HSD17B12: variants seen among roughly 807,000 people sequenced by gnomAD.
The protein encoded by HSD17B12 is hydroxysteroid 17-beta dehydrogenase 12.
In HSD17B12, 32 loss-of-function variants were observed where a neutral mutation model predicts 39.3. That is an observed-to-expected ratio of 0.81 (90% CI 0.61 to 1.09). The LOEUF is 1.09. Among genes scored for constraint, HSD17B12 ranks in the 50% least tolerant of loss-of-function variants. The probability of loss-of-function intolerance (pLI) is 0.00; values close to 1 mark genes in which losing one functional copy is unlikely to be tolerated. For missense variants in HSD17B12, 342 were observed against 382.9 expected (o/e 0.89, Z 0.89); for synonymous variants, 150 against 146.7 (o/e 1.02, Z -0.16).
chr11:43,719,796 A>G (rs948031821), intron 1 of HSD17B12, among the ~76,000 whole-genome samples: 2 of 151,988 alleles, frequency 1.3e-5, no homozygotes, highest in African/African-American at 4.8e-5. Context: ...GTAGCTTTTC[A>G]ACCTGCTTCT....
At chr11:43,584,841 G>T in the HSD17B12 span, among the ~76,000 whole-genome samples, 1 of 152,190 alleles carries the variant, frequency 6.6e-6, no homozygotes, top group Non-Finnish European at 1.5e-5. Context: ...CATCACAGAG[G>T]TTACAAGGAA....
the HSD17B12 span, chr11:43,581,352 C>G: frequency 2.1e-6 from 1 of 479,606 alleles, no homozygotes; most frequent in African/African-American, 2.0e-5. The surrounding 1 kb of genome is among the most constrained non-coding windows in gnomAD (Gnocchi z 4.9). Context: ...CGGAGACATC[C>G]TGGGCTGAAG....
At chr11:43,803,835 A>G (rs1290253460) in intron 4 of HSD17B12, among the ~76,000 whole-genome samples, 1 of 152,244 alleles carries the variant, frequency 6.6e-6, no homozygotes, top group Non-Finnish European at 1.5e-5. Flanking sequence ...CAAGAAATAC[A>G]GATTTCAGAA....
the HSD17B12 span, among the ~76,000 whole-genome samples, chr11:43,561,070 G>A: frequency 6.6e-6 from 1 of 152,178 alleles, no homozygotes; most frequent in African/African-American, 2.4e-5. Flanking sequence ...CTTCACTGAA[G>A]CCGTGGCTTA....
intron 1 of HSD17B12, among the ~76,000 whole-genome samples, chr11:43,725,882 G>A (rs117613346): frequency 6.6e-6 from 1 of 152,198 alleles, no homozygotes; most frequent in East Asian, 1.9e-4. Flanking sequence ...AAATGGAGGA[G>A]CCATTTTGAG....
chr11:43,583,962 C>G, the HSD17B12 span, among the ~76,000 whole-genome samples: 18 of 152,232 alleles, frequency 1.2e-4, no homozygotes, highest in Non-Finnish European at 4.4e-5. Context: ...AAATCAAGAC[C>G]AGGGGTTATC....
chr11:43,769,435 G>A (rs1321516201), intron 3 of HSD17B12, among the ~76,000 whole-genome samples: 2 of 152,300 alleles, frequency 1.3e-5, no homozygotes, highest in East Asian at 3.9e-4. Flanking sequence ...GAGCAATTAT[G>A]AGGACACTGA....
At chr11:43,784,332 T>A (rs1323271078) in intron 3 of HSD17B12, among the ~76,000 whole-genome samples, 2 of 148,278 alleles carry the variant, frequency 1.3e-5, no homozygotes, top group East Asian at 3.9e-4. Flanking sequence ...TTATTATTAT[T>A]ATTATTATTA....
At chr11:43,645,732 A>C in the HSD17B12 span, 1 of 152,386 alleles carries the variant, frequency 6.6e-6, no homozygotes. Context: ...TAATCCCAAC[A>C]CTTAGGGAGG....
the HSD17B12 span, among the ~76,000 whole-genome samples, chr11:43,597,614 T>G: frequency 6.6e-6 from 1 of 152,128 alleles, no homozygotes; most frequent in African/African-American, 2.4e-5. Context: ...AAGAAAGACC[T>G]CCTGCTTTTT....
chr11:43,601,938 G>A, the HSD17B12 span, among the ~76,000 whole-genome samples: 1 of 152,196 alleles, frequency 6.6e-6, no homozygotes, highest in South Asian at 2.1e-4. Context: ...CCATTCTGCT[G>A]CCCAGCCCCA....
At chr11:43,637,451 C>T in the HSD17B12 span, among the ~76,000 whole-genome samples, 1 of 152,050 alleles carries the variant, frequency 6.6e-6, no homozygotes, top group African/African-American at 2.4e-5. Flanking sequence ...GAACTCCTGA[C>T]CTCAGGTGAT....
intron 1 of HSD17B12, among the ~76,000 whole-genome samples, chr11:43,691,783 G>A (rs1202337675): frequency 1.3e-5 from 2 of 152,174 alleles, no homozygotes; most frequent in African/African-American, 2.4e-5. Flanking sequence ...CCTGGATGAC[G>A]TCCTGTGTCC....
intron 4 of HSD17B12, among the ~76,000 whole-genome samples, chr11:43,809,464 G>C (rs764484701): frequency 2.0e-5 from 3 of 152,160 alleles, no homozygotes; most frequent in Non-Finnish European, 4.4e-5. Flanking sequence ...TGTTACTAAA[G>C]TATACATTTT....
chr11:43,657,943 G>T, the HSD17B12 span, among the ~76,000 whole-genome samples: 2 of 152,094 alleles, frequency 1.3e-5, no homozygotes, highest in African/African-American at 2.4e-5. Flanking sequence ...ATGTTGGCCT[G>T]CCTTGCCAGA....
At chr11:43,630,061 G>A in the HSD17B12 span, among the ~76,000 whole-genome samples, 1 of 152,124 alleles carries the variant, frequency 6.6e-6, no homozygotes, top group Non-Finnish European at 1.5e-5. Context: ...GTGACTCTTG[G>A]TGTAAACTTC....
the HSD17B12 span, among the ~76,000 whole-genome samples, chr11:43,559,248 GA>G: frequency 5.6e-4 from 85 of 151,632 alleles, no homozygotes; most frequent in East Asian, 1.4e-3. Flanking sequence ...GTGGTTACAA[GA>G]AAAAAAAATC....
the HSD17B12 span, among the ~76,000 whole-genome samples, chr11:43,652,753 C>A: frequency 1.3e-5 from 2 of 152,114 alleles, no homozygotes; most frequent in Non-Finnish European, 2.9e-5. Flanking sequence ...CAGGCACACA[C>A]CCTCCAGGAA....
At chr11:43,714,772 C>T (rs1461603427) in intron 1 of HSD17B12, among the ~76,000 whole-genome samples, 2 of 152,126 alleles carry the variant, frequency 1.3e-5, no homozygotes, top group African/African-American at 2.4e-5. Context: ...AACGTTCTTC[C>T]ATTTGTTTGT....
Sources: allele counts gnomAD v4.1 joint callset (sites outside exome capture counted in the v4.1 genomes callset), GRCh38; gene constraint gnomAD v4.1.1; non-coding constraint Gnocchi (gnomAD v3.1); transcripts MANE v1.5; gene names NCBI Gene and HGNC (gene_info 2026-07-23, HGNC 2026-07-21).